ITLN2: variants seen among roughly 807,000 people sequenced by gnomAD.
The protein encoded by ITLN2 is intelectin-2.
Under a neutral mutation model 39.4 loss-of-function variants are expected in ITLN2, and 29 were observed. That is an observed-to-expected ratio of 0.74 (90% confidence interval 0.55 to 1.00). The LOEUF (loss-of-function observed/expected upper bound fraction) is 1.00. Ranked by LOEUF, ITLN2 falls within the 50% of genes least tolerant of loss-of-function variation. The pLI is 0.00. For synonymous variants in ITLN2, 156 were observed against 153.4 expected (o/e 1.02, Z -0.12); for missense variants, 412 against 416.7 (o/e 0.99, Z 0.10).
intron 2 of ITLN2, 131 bp downstream of exon 2, chr1:160,954,256 G>A (rs540578867): frequency 2.8e-6 from 2 of 710,374 alleles, no homozygotes; most frequent in East Asian, 5.5e-5. Context: ...CCTAGCCTGG[G>A]TTCCCTGCCT....
chr1:160,952,684 G>C lies in ITLN2; in HGVS notation c.129C>G (p.Ala43=), dbSNP rs962860039. The change falls in exon 3 of 8, where the codon GCC becomes GCG. Residue 43 remains alanine, a synonymous_variant. Transcript: ENST00000368029. ...TTCTAGGCAGGGAAGAAAAGGAGAA[G>C]GCACAGGTTTCGAATTCCCTCGAGA... ...EMLSREFETC[A]FSFSSLPRSC... is the part of the protein sequence containing the mutation. 1.2e-6 allele frequency: 2 copies of C among 1,614,144 alleles called. No individual in the cohort carries two copies. Among genetic ancestry groups the C allele is most frequent in the Non-Finnish European group, 1.7e-6 (2 of 1,180,002 alleles).
chr1:160,954,756 G>A lies in ITLN2; in HGVS notation c.-15C>T, dbSNP rs2101942172. On this transcript the variant is annotated 5_prime_UTR_variant, in exon 1 of 8. Transcript: ENST00000368029. ...ATGGACAGCATCCTTACAGATGCCA[G>A]GAGCTGATAGTTCCCTTCCTGTGGA... The A allele has an allele frequency of 3.7e-6, 6 of 1,613,822 alleles. No individual in the cohort carries two copies. In the African/African-American group the frequency reaches 4.0e-5, roughly 11 times the overall value.
In ITLN2 at chr1:160,947,918, C is replaced by T. The variant is rs1300745292; in HGVS notation, c.825+11G>A. On this transcript the variant is annotated intron_variant, in intron 7 of 7. Transcript: ENST00000368029. ...CCCACACGTGGGCCATTGATCTCCC[C>T]AAAAACTCACATGCTCAGTGTTACA... is the stretch of plus-strand genomic sequence containing the variant. 5.6e-6 allele frequency: 9 copies of T among 1,600,456 alleles called. No homozygotes were observed. The highest frequency in any genetic ancestry group is 7.7e-6 in the Non-Finnish European group (9 of 1,167,610).
At chr1:160,949,254 G>A (rs143552313) in intron 6 of ITLN2, 2 of 151,978 alleles carry the variant, frequency 1.3e-5, no homozygotes, top group African/African-American at 2.4e-5. Context: ...ACATACAATC[G>A]GGTTTTACAC....
rs1279963565 is a variant in ITLN2, at chr1:160,945,194, C to T, written c.924G>A (p.Lys308=). 15 of 1,607,586 alleles carry T rather than the reference C, an allele frequency of 9.3e-6. No homozygotes were observed. In the Admixed American group the frequency reaches 2.6e-4, roughly 28 times the overall value. The change falls in exon 8 of 8, where the codon AAG becomes AAA. Residue 308 remains lysine (K), a synonymous_variant. Transcript: ENST00000368029. ...CCGTTATCTCCCGACTGCAGCTGCT[C>T]TTAACGTGAGTTCCATATCCATCCC... ...FDWDGYGTHV[K]SSCSREITEA...
Position 160,945,193 on chromosome 1 carries a change from T to C in ITLN2, c.925A>G (p.Ser309Gly). The C allele has an allele frequency of 6.2e-7, 1 of 1,607,440 alleles. No individual in the cohort carries two copies. The highest frequency in any genetic ancestry group is 8.5e-7 in the Non-Finnish European group (1 of 1,178,200). Residue 309 changes from serine (S) to glycine (G), a missense_variant, in exon 8 of 8, where the codon AGC becomes GGC. By Grantham distance (56) the Ser-to-Gly change is moderately conservative (BLOSUM62 0). Transcript: ENST00000368029. ...TCCGTTATCTCCCGACTGCAGCTGC[T>C]CTTAACGTGAGTTCCATATCCATCC... The part of the protein sequence containing the change: ...DWDGYGTHVK[S>G]SCSREITEAA...
chr1:160,954,439 G>T lies in ITLN2; in HGVS notation c.27C>A (p.Thr9=). The change falls in exon 2 of 8, where the codon ACC becomes ACA. Residue 9 remains threonine, a synonymous_variant. Transcript: ENST00000368029. MLSMLRTM[T]RLCFLLFFSV... is the part of the protein sequence containing the mutation. ...AGAAGAATAACAGGAAGCAGAGTCTGGTCATTGTCCTCTAAGGAAAAACAA... is the reference window on the plus strand; with the variant it reads ...AGAAGAATAACAGGAAGCAGAGTCTTGTCATTGTCCTCTAAGGAAAAACAA... 2 of 1,580,130 alleles carry T rather than the reference G, an allele frequency of 1.3e-6. No homozygotes were observed. Among genetic ancestry groups the T allele is most frequent in the East Asian group, 2.3e-5 (1 of 44,104 alleles).
intron 6 of ITLN2, 172 bp downstream of exon 6, chr1:160,949,874 A>T: frequency 1.6e-6 from 1 of 611,846 alleles, no homozygotes; most frequent in Non-Finnish European, 2.8e-6. Flanking sequence ...CTAACTTCAT[A>T]GTTTTCTCAT....
intron 2 of ITLN2, among the ~76,000 whole-genome samples, chr1:160,953,851 T>G (rs928485542): frequency 3.3e-5 from 5 of 152,146 alleles, no homozygotes; most frequent in African/African-American, 1.2e-4. Flanking sequence ...CGCATGGAGA[T>G]CAAATGAGAT....
At chr1:160,946,759 GAAAT>G (rs1385113666) in intron 7 of ITLN2, among the ~76,000 whole-genome samples, 1 of 150,974 alleles carries the variant, frequency 6.6e-6, no homozygotes, top group Non-Finnish European at 1.5e-5. Flanking sequence ...GAAAAAAAAA[GAAAT>G]AAAAAATAAA....
chr1:160,953,570 G>T (rs1053206676), intron 2 of ITLN2, among the ~76,000 whole-genome samples: 1 of 152,126 alleles, frequency 6.6e-6, no homozygotes, highest in African/African-American at 2.4e-5. Flanking sequence ...ATTAGCTGGG[G>T]TGTGGTGGTG....
chr1:160,946,527 T>C lies in ITLN2; in HGVS notation c.826-1235A>G, dbSNP rs553472049. On this transcript the variant is annotated intron_variant, in intron 7 of 7. Transcript: ENST00000368029. ...GAGATCAAGACCATCCTGGCTAACA[T>C]AGTGAAACCCCGTCTCTACTAAAAA... 9.3e-5 allele frequency among the ~76,000 whole-genome samples: 14 copies of C among 151,300 alleles called. No homozygotes were observed. In the East Asian group the frequency reaches 2.8e-3, roughly 30 times the overall value.
intron 7 of ITLN2, among the ~76,000 whole-genome samples, 157 bp from the exon 8 acceptor site, chr1:160,945,449 A>C (rs955615): frequency 0.5 from 76,259 of 152,112 alleles, 20,141 homozygotes; most frequent in Admixed American, 0.6. Flanking sequence ...ACCTGGCCCT[A>C]TGCATGTATT....
chr1:160,948,496 C>T (rs1228163097), intron 6 of ITLN2, among the ~76,000 whole-genome samples: 1 of 152,190 alleles, frequency 6.6e-6, no homozygotes, highest in Non-Finnish European at 1.5e-5. Context: ...TTTTTATCCA[C>T]AACTTAACTT....
chr1:160,950,248 C>G (rs1671710288), intron 5 of ITLN2, 82 bp from the exon 6 acceptor site: 1 of 1,439,662 alleles, frequency 6.9e-7, no homozygotes, highest in African/African-American at 1.4e-5. Flanking sequence ...TTCAAATTAA[C>G]TGCCATTACC....
At chr1:160,953,254 C>T (rs1671786664) in intron 2 of ITLN2, among the ~76,000 whole-genome samples, 1 of 152,188 alleles carries the variant, frequency 6.6e-6, no homozygotes, top group Admixed American at 6.5e-5. Flanking sequence ...CCAAAAACTA[C>T]AGGTCAGTCG....
intron 7 of ITLN2, among the ~76,000 whole-genome samples, 167 bp downstream of exon 7, chr1:160,947,762 T>C (rs954157841): frequency 9.2e-5 from 14 of 152,178 alleles, no homozygotes; most frequent in African/African-American, 3.4e-4. Context: ...GAGCACAGAG[T>C]TGGGGCTAAA....
intron 3 of ITLN2, among the ~76,000 whole-genome samples, chr1:160,952,058 G>A (rs191208329): frequency 2.6e-4 from 39 of 152,318 alleles, no homozygotes; most frequent in Middle Eastern, 3.4e-3. Flanking sequence ...GTTGTCACTC[G>A]CCCTCTTTTC....
chr1:160,945,286 T>A lies in ITLN2; in HGVS notation c.832A>T (p.Ile278Phe). The change falls in exon 8 of 8, where the codon ATC becomes TTC. Residue 278 changes from isoleucine to phenylalanine, a missense_variant. Coordinates refer to ENST00000368029, the MANE Select transcript of ITLN2 (RefSeq NM_080878.3). The stretch of plus-strand genomic sequence containing the variant: ...TGTGGGAAGAACCCTCCTCCACCGA[T>A]GCAGTGCTGGGAAACAGAAAGAAGA... ...VTGCNTEHHC[I>F]GGGGFFPQGK... is the part of the protein sequence containing the mutation. 1 of 1,564,458 alleles carries A rather than the reference T, an allele frequency of 6.4e-7. No individual in the cohort carries two copies. The highest frequency in any genetic ancestry group is 8.6e-7 in the Non-Finnish European group (1 of 1,165,168).
Sources: gnomAD v4.1 joint callset for allele counts (sites outside exome capture counted in the v4.1 genomes callset) on GRCh38, gnomAD v4.1.1 for gene constraint, MANE v1.5 for transcripts, NCBI Gene and HGNC (gene_info 2026-07-23, HGNC 2026-07-21) for gene names.